Variants in AKAP6 observed in about 807,000 individuals in gnomAD.
The protein encoded by AKAP6 is A-kinase anchoring protein 6, also known as A-kinase anchor protein 6.
AKAP6 carries 58 observed loss-of-function variants against 188.5 expected under a neutral mutation model. The ratio of observed to expected loss-of-function variants is 0.31; its 90% CI spans 0.25 to 0.38. AKAP6 has a LOEUF of 0.38. Ranked by LOEUF, AKAP6 falls within the 10% of genes least tolerant of loss-of-function variation. AKAP6 has a pLI of 1.00. For missense variants in AKAP6, 2,710 were observed against 2,740.0 expected, an observed-to-expected ratio of 0.99 and a Z score of 0.24; for synonymous variants, 989 against 998.6, an observed-to-expected ratio of 0.99 and a Z score of 0.18.
intron 1 of AKAP6, among the ~76,000 whole-genome samples, chr14:32,394,384 G>C (rs1337576369): frequency 6.6e-6 from 1 of 152,166 alleles, no homozygotes; most frequent in African/African-American, 2.4e-5. Flanking sequence ...ACTTTAGGGA[G>C]ATAAAGGTCC....
At chr14:32,615,591 CTT>C (rs779867395) in intron 7 of AKAP6, among the ~76,000 whole-genome samples, 17 of 115,258 alleles carry the variant, frequency 1.5e-4, no homozygotes, top group South Asian at 2.7e-4. Flanking sequence ...TAAACCATTA[CTT>C]TTTTTTTTTT....
intron 12 of AKAP6, among the ~76,000 whole-genome samples, chr14:32,806,431 C>T (rs1187680073): frequency 6.6e-6 from 1 of 152,292 alleles, no homozygotes; most frequent in South Asian, 2.1e-4. Context: ...AATTCCAACA[C>T]TTTGGGAGAC....
intron 2 of AKAP6, among the ~76,000 whole-genome samples, chr14:32,444,086 G>A (rs1890679719): frequency 6.6e-6 from 1 of 152,264 alleles, no homozygotes; most frequent in African/African-American, 2.4e-5. Context: ...GAGAAGTCTG[G>A]TCTTGATTAA....
intron 1 of AKAP6, among the ~76,000 whole-genome samples, chr14:32,373,849 A>G (rs1888082623): frequency 6.6e-6 from 1 of 152,226 alleles, no homozygotes; most frequent in Admixed American, 6.5e-5. Context: ...GCTAATTGTC[A>G]GTGAACTTCT....
intron 2 of AKAP6, among the ~76,000 whole-genome samples, chr14:32,469,169 C>G (rs1483888933): frequency 6.6e-6 from 1 of 152,166 alleles, no homozygotes; most frequent in African/African-American, 2.4e-5. Context: ...GAAATAATTT[C>G]TAGGCATTGC....
In AKAP6 at chr14:32,331,084, G is replaced by A. The variant is rs145427782; in HGVS notation, c.-35+1676G>A. The stretch of plus-strand genomic sequence containing the variant: ...GATGGGGGAAGGGAAAGTATGTCTT[G>A]TAGCTAGATTATAAATCTGGATAAA... On this transcript the variant is annotated intron_variant, in intron 1 of 13. Coordinates refer to ENST00000280979, the MANE Select transcript of AKAP6 (RefSeq NM_004274.5). Among the ~76,000 whole-genome samples the A allele has an allele frequency of 7.2e-5, 11 of 152,126 alleles. No homozygotes were observed. The East Asian group carries it at 2.1e-3, about 30-fold the overall frequency.
chr14:32,573,851 C>G (rs1336634044), intron 4 of AKAP6, among the ~76,000 whole-genome samples: 1 of 152,090 alleles, frequency 6.6e-6, no homozygotes, highest in Admixed American at 6.6e-5. Flanking sequence ...GTGAATACAC[C>G]TGCACATCCA....
At chr14:32,763,066 C>T (rs1594922280) in intron 11 of AKAP6, among the ~76,000 whole-genome samples, 1 of 152,018 alleles carries the variant, frequency 6.6e-6, no homozygotes, top group Non-Finnish European at 1.5e-5. Context: ...TGTACAATGT[C>T]GAAACTATTT....
At chr14:32,710,738 C>CT (rs1891020077) in intron 9 of AKAP6, among the ~76,000 whole-genome samples, 1 of 152,030 alleles carries the variant, frequency 6.6e-6, no homozygotes, top group South Asian at 2.1e-4. Flanking sequence ...TAACACCTAC[C>CT]TTGAAAGATT....
chr14:32,696,046 A>G lies in AKAP6; in HGVS notation c.2936A>G (p.Glu979Gly), dbSNP rs749670948. 2.5e-6 allele frequency: 4 copies of G among 1,612,978 alleles called. No homozygotes were observed. In the Admixed American group the frequency reaches 5.0e-5, roughly 20 times the overall value. ...CTCTGGGATTGGCTGATTGACATGGAGTCCCTTGTGATGGACAGCCACGAC... is the reference window on the plus strand; with the variant it reads ...CTCTGGGATTGGCTGATTGACATGGGGTCCCTTGTGATGGACAGCCACGAC... ...QELWDWLIDM[E>G]SLVMDSHDLM... is the part of the protein sequence containing the mutation. Residue 979 changes from glutamate to glycine, a missense_variant, in exon 9 of 14, where the codon GAG becomes GGG. By Grantham distance (98) the Glu-to-Gly change is moderately conservative (BLOSUM62 -2). Transcript: ENST00000280979.
intron 7 of AKAP6, among the ~76,000 whole-genome samples, chr14:32,660,924 A>ACCCCCCCCCCCCCCCCCCCC (rs1240351554): frequency 2.4e-5 from 1 of 41,068 alleles, no homozygotes. Context: ...CTTCCCCGCC[A>ACCCCCCCCCCCCCCCCCCCC]CCCCCCCCCC....
intron 12 of AKAP6, among the ~76,000 whole-genome samples, chr14:32,781,810 A>G (rs868634277): frequency 8.5e-5 from 13 of 152,132 alleles, no homozygotes; most frequent in Admixed American, 2.6e-4. Flanking sequence ...GATTATCTCA[A>G]TGCTGAAAAA....
intron 12 of AKAP6, among the ~76,000 whole-genome samples, chr14:32,808,756 C>T (rs1046445030): frequency 2.6e-5 from 4 of 152,076 alleles, no homozygotes; most frequent in African/African-American, 9.7e-5. Context: ...TTTTGTTTCT[C>T]TTTATCTATA....
chr14:32,800,177 T>TATATATATACACATATATATAC, intron 12 of AKAP6, among the ~76,000 whole-genome samples: 1 of 52,998 alleles, frequency 1.9e-5, no homozygotes, highest in African/African-American at 7.1e-5. Flanking sequence ...TATATATACA[T>TATATATATACACATATATATAC]ATATATATAC....
At chr14:32,784,199 A>T (rs1321715932) in intron 12 of AKAP6, among the ~76,000 whole-genome samples, 1 of 152,186 alleles carries the variant, frequency 6.6e-6, no homozygotes, top group Non-Finnish European at 1.5e-5. Context: ...CTGCTGTGTG[A>T]ATTGGTTGAC....
chr14:32,352,518 C>G (rs914414082), intron 1 of AKAP6, among the ~76,000 whole-genome samples: 1 of 152,048 alleles, frequency 6.6e-6, no homozygotes, highest in South Asian at 2.1e-4. Flanking sequence ...TTTTATGTAA[C>G]TGTGATTTTA....
intron 1 of AKAP6, among the ~76,000 whole-genome samples, chr14:32,408,367 T>G (rs1889366279): frequency 6.6e-6 from 1 of 152,060 alleles, no homozygotes; most frequent in Non-Finnish European, 1.5e-5. Flanking sequence ...CTCAATTGGG[T>G]CAGAGACGTA....
chr14:32,725,471 C>A (rs1467993299), intron 9 of AKAP6, among the ~76,000 whole-genome samples: 1 of 152,158 alleles, frequency 6.6e-6, no homozygotes, highest in East Asian at 1.9e-4. Flanking sequence ...TTCTTTTTCA[C>A]TATCCTCCTT....
At chr14:32,709,357 T>G (rs780498244) in intron 9 of AKAP6, among the ~76,000 whole-genome samples, 11 of 152,000 alleles carry the variant, frequency 7.2e-5, no homozygotes, top group Non-Finnish European at 1.6e-4. Context: ...GTTCCCCGTC[T>G]GCTGTCCACA....
Sources: gnomAD v4.1 joint callset for allele counts (sites outside exome capture counted in the v4.1 genomes callset) on GRCh38, gnomAD v4.1.1 for gene constraint, MANE v1.5 for transcripts, NCBI Gene and HGNC (gene_info 2026-07-23, HGNC 2026-07-21) for gene names.